Variants in CCSER1 observed in about 807,000 individuals in gnomAD.
The protein encoded by CCSER1 is serine-rich coiled-coil domain-containing protein 1.
In CCSER1, 41 loss-of-function variants were observed where a neutral mutation model predicts 82.0. That is an observed-to-expected ratio of 0.50 (90% CI 0.39 to 0.65). The LOEUF (loss-of-function observed/expected upper bound fraction) is 0.65, where lower values mean the gene tolerates loss of function less well. CCSER1 is among the 30% of genes least tolerant of loss of function. CCSER1 has a pLI of 0.00. For synonymous variants in CCSER1, 414 were observed against 383.9 expected (o/e 1.08, Z -0.92); for missense variants, 1,119 against 1,064.2 (o/e 1.05, Z -0.72).
chr4:91,085,282 C>T (rs1723261256), intron 9 of CCSER1, among the ~76,000 whole-genome samples: 5 of 151,802 alleles, frequency 3.3e-5, no homozygotes, highest in African/African-American at 1.2e-4. Context: ...TTGTGTTCTC[C>T]AAAGCTTTGT....
At chr4:90,447,896 A>G (rs1327725719) in intron 4 of CCSER1, among the ~76,000 whole-genome samples, 1 of 152,186 alleles carries the variant, frequency 6.6e-6, no homozygotes, top group African/African-American at 2.4e-5. Context: ...ATTTTTAAAT[A>G]ATTGCTTTTA....
chr4:91,476,260 G>A (rs531417405), intron 10 of CCSER1, among the ~76,000 whole-genome samples: 20 of 151,812 alleles, frequency 1.3e-4, no homozygotes, highest in African/African-American at 3.4e-4. Flanking sequence ...CCCACCAACA[G>A]TATATGAGTC....
At chr4:90,246,252 G>T (rs532971654) in intron 1 of CCSER1, among the ~76,000 whole-genome samples, 1 of 152,042 alleles carries the variant, frequency 6.6e-6, no homozygotes, top group South Asian at 2.1e-4. Flanking sequence ...GGTAATTAAG[G>T]TTCAGACAAG....
intron 1 of CCSER1, among the ~76,000 whole-genome samples, chr4:90,170,355 C>T (rs1224763832): frequency 2.0e-5 from 3 of 151,028 alleles, no homozygotes; most frequent in African/African-American, 7.3e-5. Context: ...TTAAAGGAAC[C>T]TTGAAATATC....
intron 1 of CCSER1, among the ~76,000 whole-genome samples, chr4:90,233,133 C>G (rs887377497): frequency 6.6e-6 from 1 of 152,000 alleles, no homozygotes; most frequent in Non-Finnish European, 1.5e-5. Flanking sequence ...GGTATATACC[C>G]AAAGGACTAT....
chr4:91,512,899 T>C (rs576126180), intron 10 of CCSER1, among the ~76,000 whole-genome samples: 1 of 152,278 alleles, frequency 6.6e-6, no homozygotes, highest in East Asian at 1.9e-4. Context: ...TAGAATCATA[T>C]CTTGAATGAA....
At chr4:90,288,568 AAT>A (rs1730339714) in intron 1 of CCSER1, among the ~76,000 whole-genome samples, 1 of 151,782 alleles carries the variant, frequency 6.6e-6, no homozygotes, top group Non-Finnish European at 1.5e-5. Context: ...CCTGGAGGAG[AAT>A]ATGTTTCCTG....
At chr4:90,819,061 G>A (rs544087262) in intron 8 of CCSER1, among the ~76,000 whole-genome samples, 1 of 152,184 alleles carries the variant, frequency 6.6e-6, no homozygotes, top group African/African-American at 2.4e-5. Flanking sequence ...TCCGGTGCCA[G>A]AGTGTTGGGA....
rs1237976835 is a variant in CCSER1, at chr4:91,499,894, T to TG, written c.2218-98678_2218-98677insG. 2.6e-5 allele frequency among the ~76,000 whole-genome samples: 4 copies of TG among 152,166 alleles called. No individual in the cohort carries two copies. The East Asian group carries it at 7.7e-4, about 29-fold the overall frequency. On this transcript the variant is annotated intron_variant, in intron 10 of 10. Transcript: ENST00000509176. ...TTCATCTACTGAAGAACATCCTGAT[T>TG]ACTTCCTAGTTTGGCAGTTATGAAT...
chr4:91,374,357 A>G (rs1409222460), intron 10 of CCSER1, among the ~76,000 whole-genome samples: 1 of 152,198 alleles, frequency 6.6e-6, no homozygotes, highest in Admixed American at 6.5e-5. Context: ...TGGTAACTAT[A>G]CATTGAAGCA....
chr4:90,559,538 A>G (rs542956114), intron 5 of CCSER1, among the ~76,000 whole-genome samples: 1 of 152,186 alleles, frequency 6.6e-6, no homozygotes, highest in African/African-American at 2.4e-5. Context: ...AAGGGCTGAG[A>G]GGCAGGACAT....
In CCSER1 at chr4:91,582,257, A is replaced by G. The variant is rs917715448; in HGVS notation, c.2218-16315A>G. Among the ~76,000 whole-genome samples, 8 of 151,596 alleles carry G rather than the reference A, an allele frequency of 5.3e-5. No homozygotes were observed. In the Admixed American group the frequency reaches 5.3e-4, roughly 10 times the overall value. On this transcript the variant is annotated intron_variant, in intron 10 of 10. Transcript: ENST00000509176. The stretch of plus-strand genomic sequence containing the variant: ...ACTTTCTATAAGGAACAGGCAGAAG[A>G]TAACTGTACCTGACCTACCATTCTG...
At chr4:91,222,387 T>A (rs1176579087) in intron 10 of CCSER1, among the ~76,000 whole-genome samples, 1 of 152,072 alleles carries the variant, frequency 6.6e-6, no homozygotes, top group Non-Finnish European at 1.5e-5. Context: ...TTTCTATAAT[T>A]TGTAGCCAAA....
intron 10 of CCSER1, among the ~76,000 whole-genome samples, chr4:91,357,209 G>A (rs1363053675): frequency 1.3e-5 from 2 of 152,158 alleles, no homozygotes; most frequent in Admixed American, 6.5e-5. Context: ...ATTTAATAAT[G>A]CTTCTTGTGT....
At chr4:90,249,371 A>C (rs1040274826) in intron 1 of CCSER1, among the ~76,000 whole-genome samples, 1 of 152,232 alleles carries the variant, frequency 6.6e-6, no homozygotes, top group African/African-American at 2.4e-5. Context: ...CAAGTCAACC[A>C]TTTAAAGTAT....
At position 90,233,550 on chromosome 4, in the gene CCSER1, C is replaced by G. The variant is rs572929292; in HGVS notation, c.-41-74694C>G. Among the ~76,000 whole-genome samples, 37 of 151,760 alleles carry G rather than the reference C, an allele frequency of 2.4e-4. No individual in the cohort carries two copies. In the South Asian group the frequency reaches 6.1e-3, roughly 25 times the overall value. On this transcript the variant is annotated intron_variant, in intron 1 of 10. Transcript: ENST00000509176. ...ATGATGAGTTAGTGGGTGCAGCACA[C>G]CAGCATGGCACATGTATACATATGT...
chr4:90,307,932 G>A (rs1734605294), intron 1 of CCSER1, among the ~76,000 whole-genome samples: 2 of 152,076 alleles, frequency 1.3e-5, no homozygotes, highest in Non-Finnish European at 2.9e-5. Context: ...CAAAATTATG[G>A]AACAGCTATA....
chr4:90,977,335 C>A (rs1054322583), intron 9 of CCSER1, among the ~76,000 whole-genome samples: 2 of 151,444 alleles, frequency 1.3e-5, no homozygotes, highest in Non-Finnish European at 3.0e-5. Context: ...ATTATGCATT[C>A]TGATACTTGA....
intron 10 of CCSER1, among the ~76,000 whole-genome samples, chr4:91,497,503 C>T (rs893700233): frequency 6.6e-6 from 1 of 151,624 alleles, no homozygotes; most frequent in Non-Finnish European, 1.5e-5. Flanking sequence ...TAATGTTTAA[C>T]ATTTCATATA....
Sources: gnomAD v4.1 joint callset for allele counts (sites outside exome capture counted in the v4.1 genomes callset) on GRCh38, gnomAD v4.1.1 for gene constraint, MANE v1.5 for transcripts, NCBI Gene and HGNC (gene_info 2026-07-23, HGNC 2026-07-21) for gene names.